Variants in MACF1 observed in about 807,000 individuals in gnomAD.
MACF1 encodes the protein microtubule actin crosslinking factor 1.
Under a neutral mutation model 854.8 loss-of-function variants are expected in MACF1, and 193 were observed. That is an observed-to-expected ratio of 0.23 (90% CI 0.20 to 0.25). MACF1 has a LOEUF of 0.25. Among genes scored for constraint, MACF1 ranks in the 10% least tolerant of loss-of-function variants. MACF1 has a pLI of 1.00. For missense variants in MACF1, 7,722 were observed against 8,929.1 expected (o/e 0.86, Z 5.45); for synonymous variants, 3,185 against 3,226.7 (o/e 0.99, Z 0.44).
At chr1:39,410,495 G>A in intron 58 of MACF1, 1 of 1,613,904 alleles carries the variant, frequency 6.2e-7, no homozygotes, top group Non-Finnish European at 8.5e-7. Context: ...GGTACATTAG[G>A]AGCAGCATCT....
rs189234133 is a variant in MACF1, at chr1:39,459,770, A to T, written c.21360+521A>T. On this transcript the variant is annotated intron_variant, in intron 91 of 100. Transcript: ENST00000564288. ...TAGTACTATGCTTCCTAGTTTCTAA[A>T]ACAAGCCTCTAATATCTTTTGTATT... The T allele has an allele frequency of 2.7e-5, 34 of 1,269,448 alleles. No homozygotes were observed. In the East Asian group the frequency reaches 1.8e-3, roughly 69 times the overall value. 78.6% of individuals were successfully genotyped at this position (1,269,448 alleles called of 1,614,324 possible).
intron 2 of MACF1, among the ~76,000 whole-genome samples, chr1:39,109,051 A>C (rs1458179756): frequency 2.6e-5 from 4 of 152,192 alleles, no homozygotes; most frequent in African/African-American, 9.7e-5. Context: ...AATGTACAAA[A>C]TTGATATCGT....
chr1:39,265,351 G>A (rs909154280), intron 6 of MACF1, among the ~76,000 whole-genome samples: 3 of 152,136 alleles, frequency 2.0e-5, no homozygotes, highest in Non-Finnish European at 2.9e-5. Flanking sequence ...AAAGCCAAAG[G>A]AGAAGGCATA....
chr1:39,227,727 A>G (rs1481037945), intron 1 of MACF1, among the ~76,000 whole-genome samples: 1 of 152,206 alleles, frequency 6.6e-6, no homozygotes, highest in Non-Finnish European at 1.5e-5. Context: ...CTATCTCGCC[A>G]CTACCTAGTT....
intron 97 of MACF1, among the ~76,000 whole-genome samples, chr1:39,475,061 G>A (rs1644852369): frequency 6.6e-6 from 1 of 152,116 alleles, no homozygotes; most frequent in African/African-American, 2.4e-5. Flanking sequence ...CTGGGTCCTG[G>A]GTACTTACCA....
intron 1 of MACF1, among the ~76,000 whole-genome samples, chr1:39,213,567 G>C (rs1223056427): frequency 6.6e-6 from 1 of 152,128 alleles, no homozygotes; most frequent in Non-Finnish European, 1.5e-5. Flanking sequence ...GAACTCCTGA[G>C]CTCAGGCAGT....
chr1:39,357,315 T>C (rs745778085), intron 44 of MACF1, 60 bp from the exon 45 acceptor site: 1 of 1,557,022 alleles, frequency 6.4e-7, no homozygotes, highest in Non-Finnish European at 8.7e-7. Context: ...CTTGTATACC[T>C]CAAATTATTG....
chr1:39,288,294 C>G (rs1169747377), intron 15 of MACF1, among the ~76,000 whole-genome samples: 2 of 151,684 alleles, frequency 1.3e-5, no homozygotes, highest in Non-Finnish European at 2.9e-5. Context: ...CTCAGGAGAT[C>G]GAGACCATCC....
intron 2 of MACF1, among the ~76,000 whole-genome samples, chr1:39,233,316 G>A (rs1644807127): frequency 6.6e-6 from 1 of 152,224 alleles, no homozygotes; most frequent in African/African-American, 2.4e-5. Flanking sequence ...TTATAGGCGT[G>A]AGCCACTGTG....
At chr1:39,477,081 A>AGTG (rs1373355558) in intron 97 of MACF1, among the ~76,000 whole-genome samples, 3 of 14,428 alleles carry the variant, frequency 2.1e-4, no homozygotes, top group Non-Finnish European at 4.2e-4. Flanking sequence ...ATATATATAT[A>AGTG]TATATATATA....
chr1:39,206,114 C>T lies in MACF1; in HGVS notation c.109+983C>T, dbSNP rs562145984. Among the ~76,000 whole-genome samples, 6 of 152,318 alleles carry T rather than the reference C, an allele frequency of 3.9e-5. No homozygotes were observed. The South Asian group carries it at 6.2e-4, about 16-fold the overall frequency. On this transcript the variant is annotated intron_variant, in intron 1 of 100. Coordinates refer to ENST00000564288, the MANE Select transcript of MACF1 (RefSeq NM_001394062.1). ...TAGCTTTCTATTAAAAGTTCACAAA[C>T]GCCTGACAGAATTAGAATTAGATTC...
At chr1:39,426,191 G>A (rs866759153) in intron 61 of MACF1, among the ~76,000 whole-genome samples, 4 of 152,040 alleles carry the variant, frequency 2.6e-5, no homozygotes, top group African/African-American at 9.7e-5. Context: ...TATTTTGAAG[G>A]CTGGCATAAA....
At chr1:39,308,822 AT>A (rs1646241551) in intron 23 of MACF1, among the ~76,000 whole-genome samples, 1 of 151,762 alleles carries the variant, frequency 6.6e-6, no homozygotes, top group African/African-American at 2.4e-5. Flanking sequence ...CACCTGGCTA[AT>A]TTTTGTATTT....
intron 53 of MACF1, among the ~76,000 whole-genome samples, chr1:39,378,894 T>A (rs926973804): frequency 6.6e-5 from 10 of 152,234 alleles, no homozygotes; most frequent in African/African-American, 2.4e-4. Context: ...AATGGAAGAA[T>A]GCTCCAAGTC....
chr1:39,166,661 C>G (rs776079204), intron 2 of MACF1, among the ~76,000 whole-genome samples: 15 of 151,980 alleles, frequency 9.9e-5, no homozygotes, highest in Non-Finnish European at 1.9e-4. Flanking sequence ...CCATGTTGCC[C>G]AGGCTAGTCT....
At chr1:39,451,550 A>AT (rs555241811) in intron 85 of MACF1, among the ~76,000 whole-genome samples, 33 of 150,334 alleles carry the variant, frequency 2.2e-4, no homozygotes, top group Admixed American at 8.0e-4. Context: ...GAAATGAGTG[A>AT]TTTTTTTTTT....
At chr1:39,227,173 C>G (rs576846453) in intron 1 of MACF1, among the ~76,000 whole-genome samples, 2 of 152,266 alleles carry the variant, frequency 1.3e-5, no homozygotes, top group African/African-American at 4.8e-5. Context: ...CTCGGCCTCC[C>G]AAAGTGCTAG....
At chr1:39,309,768 A>T in intron 24 of MACF1, 72 bp downstream of exon 24, 1 of 1,526,226 alleles carries the variant, frequency 6.6e-7, no homozygotes, top group Non-Finnish European at 8.9e-7. Flanking sequence ...TTTTTTCATT[A>T]CTGTGAGACT....
intron 26 of MACF1, among the ~76,000 whole-genome samples, chr1:39,313,277 A>G (rs936494452): frequency 2.2e-4 from 33 of 152,138 alleles, no homozygotes; most frequent in Admixed American, 6.5e-5. Flanking sequence ...GTTAATTTTC[A>G]TCTCTGGTTC....
Sources: allele counts gnomAD v4.1 joint callset (sites outside exome capture counted in the v4.1 genomes callset), GRCh38; gene constraint gnomAD v4.1.1; transcripts MANE v1.5; gene names NCBI Gene and HGNC (gene_info 2026-07-23, HGNC 2026-07-21).